The following RNF216 variants were observed in gnomAD, a reference collection of about 807,000 sequenced individuals.
RNF216 encodes E3 ubiquitin-protein ligase RNF216.
RNF216 carries 72 observed loss-of-function variants against 110.8 expected under a neutral mutation model. The observed-to-expected ratio is 0.65, with a 90% CI of 0.54 to 0.79. The LOEUF is 0.79. Ranked by LOEUF, RNF216 falls within the 30% of genes least tolerant of loss-of-function variation. The pLI is 0.00. For missense variants in RNF216, 1,342 were observed against 1,141.2 expected, an observed-to-expected ratio of 1.18 and a Z score of -2.54; for synonymous variants, 495 against 407.5, an observed-to-expected ratio of 1.21 and a Z score of -2.59.
chr7:5,765,407 T>G (rs1468013151), intron 1 of RNF216, among the ~76,000 whole-genome samples: 2 of 151,914 alleles, frequency 1.3e-5, no homozygotes, highest in Non-Finnish European at 2.9e-5. Flanking sequence ...GAGGTTGCAG[T>G]GAGCTGAGAT....
intron 15 of RNF216, among the ~76,000 whole-genome samples, chr7:5,628,789 T>C (rs1351658310): frequency 6.6e-6 from 1 of 152,144 alleles, no homozygotes; most frequent in Non-Finnish European, 1.5e-5. Flanking sequence ...CCCCAAAATG[T>C]TGGGATTACA....
intron 13 of RNF216, among the ~76,000 whole-genome samples, chr7:5,671,805 C>CAA (rs11319565): frequency 0.021 from 1,116 of 53,580 alleles, 72 homozygotes; most frequent in African/African-American, 0.06. Flanking sequence ...AACTCCGTCT[C>CAA]AAAAAAAAAA....
At position 5,686,491 on chromosome 7, in the gene RNF216, G is replaced by GGT. The variant is rs747916787; in HGVS notation, c.2061+25268_2061+25269dup. 5.3e-5 allele frequency among the ~76,000 whole-genome samples: 8 copies of GGT among 152,250 alleles called. No individual in the cohort carries two copies. The East Asian group carries it at 1.5e-3, about 29-fold the overall frequency. ...AGAGTCTGAATGTTATCTGTTCTCT[G>GGT]GTTAAGTGCTGCTTAACCATCAGTG... On this transcript the variant is annotated intron_variant, in intron 13 of 16. Coordinates refer to ENST00000389902, the MANE Select transcript of RNF216 (RefSeq NM_207111.4).
chr7:5,641,526 T>G, intron 14 of RNF216, 150 bp from the exon 15 acceptor site: 1 of 660,646 alleles, frequency 1.5e-6, no homozygotes. Context: ...TTTTGGAGTC[T>G]GAGAACTGCT....
intron 13 of RNF216, among the ~76,000 whole-genome samples, chr7:5,692,674 C>G (rs75064653): frequency 7.9e-5 from 12 of 152,304 alleles, no homozygotes; most frequent in African/African-American, 2.6e-4. Flanking sequence ...GCAAGGCACT[C>G]CTTTTTAGGT....
intron 7 of RNF216, among the ~76,000 whole-genome samples, chr7:5,727,875 C>T (rs1345736661): frequency 2.0e-5 from 3 of 151,756 alleles, no homozygotes; most frequent in South Asian, 4.2e-4. Context: ...GGTACCTCAT[C>T]CTGGCTGGTG....
chr7:5,695,152 C>T (rs190554044), intron 13 of RNF216, among the ~76,000 whole-genome samples: 4 of 152,354 alleles, frequency 2.6e-5, no homozygotes, highest in East Asian at 3.9e-4. Context: ...AACCTATCCA[C>T]GGTTCTTCAT....
At chr7:5,756,924 C>T (rs1195811644) in intron 2 of RNF216, among the ~76,000 whole-genome samples, 1 of 152,212 alleles carries the variant, frequency 6.6e-6, no homozygotes, top group East Asian at 1.9e-4. Flanking sequence ...GCATGAGCCA[C>T]TGCGCCTGGC....
rs969350063 is a variant in RNF216, at chr7:5,620,188, CTTG to C, written c.*2669_*2671del. ...AAAAAGTTTAATGAACTAATCGTTTCTTGTTTTTATACAAAGTGACAGATCATG... is the reference window on the plus strand; with the variant it reads ...AAAAAGTTTAATGAACTAATCGTTTCTTTTTATACAAAGTGACAGATCATG... On this transcript the variant is annotated 3_prime_UTR_variant, in exon 17 of 17. Coordinates refer to ENST00000389902, the MANE Select transcript of RNF216 (RefSeq NM_207111.4). The C allele has an allele frequency of 6.6e-6, 1 of 152,222 alleles. No individual in the cohort carries two copies. Among genetic ancestry groups the C allele is most frequent in the African/African-American group, 2.4e-5 (1 of 41,454 alleles). The allele number at this position is 152,222 out of a possible 1,614,324, so 9.4% of individuals were successfully genotyped here.
At chr7:5,732,857 G>C (rs919082763) in intron 5 of RNF216, 2 of 152,210 alleles carry the variant, frequency 1.3e-5, no homozygotes, top group African/African-American at 4.8e-5. Context: ...TGCAAAGTAA[G>C]CCAGGCTAGT....
intron 14 of RNF216, among the ~76,000 whole-genome samples, chr7:5,651,636 G>A (rs1011349918): frequency 1.3e-5 from 2 of 150,414 alleles, no homozygotes; most frequent in African/African-American, 2.5e-5. Flanking sequence ...GTATTACTTC[G>A]GTCATTGCAT....
At chr7:5,745,656 T>C (rs1433769348) in intron 3 of RNF216, among the ~76,000 whole-genome samples, 2 of 151,856 alleles carry the variant, frequency 1.3e-5, no homozygotes, top group Admixed American at 1.3e-4. Flanking sequence ...TCTCAGCACT[T>C]TGGGAGGCTG....
chr7:5,627,066 A>G (rs1786753410), intron 15 of RNF216, among the ~76,000 whole-genome samples: 1 of 152,190 alleles, frequency 6.6e-6, no homozygotes, highest in Admixed American at 6.5e-5. Context: ...CAGTTACACC[A>G]TCAGTCCCCA....
In RNF216 at chr7:5,623,018, C is replaced by T. The variant is rs148352106; in HGVS notation, c.2614G>A (p.Val872Met). The T allele has an allele frequency of 2.2e-4, 363 of 1,614,080 alleles. No individual in the cohort carries two copies. The African/African-American group carries it at 4.2e-3, about 19-fold the overall frequency. The part of the protein sequence containing the change: ...PPFPLPPVRP[V>M]FNNFPLNMGP... Reference sequence around the variant, plus strand: ...ATGTTGAGTGGGAAGTTGTTGAACACAGGCCGCACGGGAGGCAGGGGGAAG... The same window carrying T: ...ATGTTGAGTGGGAAGTTGTTGAACATAGGCCGCACGGGAGGCAGGGGGAAG... The change falls in exon 17 of 17, where the codon GTG (valine) becomes ATG (methionine). Residue 872 changes from valine to methionine, a missense_variant. Coordinates refer to ENST00000389902, the MANE Select transcript of RNF216 (RefSeq NM_207111.4).
At position 5,622,381 on chromosome 7, in the gene RNF216, T is replaced by C. The variant is rs1193882879; in HGVS notation, c.*479A>G. The C allele has an allele frequency of 6.4e-6, 1 of 156,800 alleles. No individual in the cohort carries two copies. Among genetic ancestry groups the C allele is most frequent in the African/African-American group, 2.4e-5 (1 of 41,640 alleles). 9.7% of individuals were successfully genotyped at this position (156,800 alleles called of 1,614,324 possible). ...ATCTTGGCCCTCACAGCTGTGGCAGTGCCTCTGCGGGCCATGGTCCCAGCC... is the reference window on the plus strand; with the variant it reads ...ATCTTGGCCCTCACAGCTGTGGCAGCGCCTCTGCGGGCCATGGTCCCAGCC... On this transcript the variant is annotated 3_prime_UTR_variant, in exon 17 of 17. Coordinates refer to ENST00000389902, the MANE Select transcript of RNF216 (RefSeq NM_207111.4).
chr7:5,706,954 T>C (rs913403056), intron 13 of RNF216, among the ~76,000 whole-genome samples: 2 of 152,212 alleles, frequency 1.3e-5, no homozygotes, highest in Non-Finnish European at 2.9e-5. Flanking sequence ...TGTTATGATA[T>C]GAGATATGGT....
At chr7:5,695,294 G>A (rs991261647) in intron 13 of RNF216, among the ~76,000 whole-genome samples, 2 of 152,158 alleles carry the variant, frequency 1.3e-5, no homozygotes, top group Non-Finnish European at 2.9e-5. Flanking sequence ...GCAGCAACTT[G>A]TACCAAGGTT....
chr7:5,740,404 G>A (rs1422254468), intron 4 of RNF216, among the ~76,000 whole-genome samples: 3 of 152,128 alleles, frequency 2.0e-5, no homozygotes, highest in African/African-American at 7.2e-5. Context: ...GGGATTACAG[G>A]TGTGAGCCAG....
chr7:5,698,856 A>C (rs1262427163), intron 13 of RNF216, among the ~76,000 whole-genome samples: 1 of 152,174 alleles, frequency 6.6e-6, no homozygotes, highest in Non-Finnish European at 1.5e-5. Context: ...AAAGCTGTTA[A>C]CATTTTCCTG....
Sources: allele counts gnomAD v4.1 joint callset (sites outside exome capture counted in the v4.1 genomes callset), GRCh38; gene constraint gnomAD v4.1.1; transcripts MANE v1.5; gene names NCBI Gene and HGNC (gene_info 2026-07-23, HGNC 2026-07-21).